AGBL3: variants seen among roughly 807,000 people sequenced by gnomAD.
The protein encoded by AGBL3 is cytosolic carboxypeptidase 3.
Under a neutral mutation model 94.5 loss-of-function variants are expected in AGBL3, and 68 were observed. That is an observed-to-expected ratio of 0.72 (90% CI 0.59 to 0.88). AGBL3 has a LOEUF of 0.88. AGBL3 is among the 40% of genes least tolerant of loss of function. AGBL3 has a pLI of 0.00. For synonymous variants in AGBL3, 354 were observed against 370.7 expected (o/e 0.95, Z 0.52); for missense variants, 934 against 1,103.8 (o/e 0.85, Z 2.18).
rs752233016 is a variant in AGBL3, at chr7:135,081,735, A to G, written c.2055A>G (p.Glu685=). 10 of 1,541,736 alleles carry G rather than the reference A, an allele frequency of 6.5e-6. No homozygotes were observed. In the South Asian group the frequency reaches 9.7e-5, roughly 15 times the overall value. Residue 685 remains glutamate, a synonymous_variant, in exon 15 of 17, where the codon GAA becomes GAG. Transcript: ENST00000436302. ...NSDVKDTRPN[E]PDDYMVDYFR... ...CTTCTCTAGATACAAGGCCAAATGA[A>G]CCAGATGATTATATGGTTGATTATT...
At chr7:135,091,035 G>A (rs1002342953) in intron 15 of AGBL3, among the ~76,000 whole-genome samples, 3 of 152,136 alleles carry the variant, frequency 2.0e-5, no homozygotes, top group African/African-American at 7.2e-5. Flanking sequence ...GGAATGCAGG[G>A]ACCTCAGTGG....
Position 135,076,450 on chromosome 7 carries a change from A to C in AGBL3, c.1962A>C (p.Gln654His), listed in dbSNP as rs1820459196. Residue 654 changes from glutamine to histidine, a missense_variant, in exon 13 of 17, where the codon CAA becomes CAC. By Grantham distance (24) the Gln-to-His change is conservative. Coordinates refer to ENST00000436302, the MANE Select transcript of AGBL3 (RefSeq NM_178563.4). ...GGAATTCTACCATAGCAAGCCACCA[A>C]AATGCCAGAGGACAAGAGGTAAATC... ...KERNSTIASHQNARGQEVYDR... is the reference protein window; with the variant it reads ...KERNSTIASHHNARGQEVYDR... 3 of 1,549,244 alleles carry C rather than the reference A, an allele frequency of 1.9e-6. No homozygotes were observed.
intron 9 of AGBL3, 75 bp downstream of exon 9, chr7:135,044,226 G>C (rs1481081906): frequency 1.5e-6 from 2 of 1,366,878 alleles, no homozygotes; most frequent in East Asian, 2.7e-5. Flanking sequence ...AAATGTAACA[G>C]TACAGACAAT....
intron 8 of AGBL3, among the ~76,000 whole-genome samples, chr7:135,039,541 C>G (rs990502597): frequency 6.6e-6 from 1 of 152,134 alleles, no homozygotes; most frequent in Admixed American, 6.6e-5. Flanking sequence ...TCAAGACCAA[C>G]TTGGCCAACA....
chr7:135,082,250 A>G (rs1315360393), intron 15 of AGBL3, among the ~76,000 whole-genome samples: 1 of 152,166 alleles, frequency 6.6e-6, no homozygotes, highest in Non-Finnish European at 1.5e-5. Flanking sequence ...AACACAAAAT[A>G]GTGAAGAAAC....
intron 11 of AGBL3, chr7:135,050,948 GT>G: frequency 2.6e-6 from 1 of 378,868 alleles, no homozygotes; most frequent in Non-Finnish European, 5.1e-6. Context: ...CCATTTTGTT[GT>G]TTTCTATTAG....
intron 2 of AGBL3, 93 bp from the exon 3 acceptor site, chr7:134,989,157 C>A: frequency 1.2e-6 from 1 of 814,544 alleles, no homozygotes; most frequent in Non-Finnish European, 2.0e-6. Context: ...AAGACATATA[C>A]TCAATCCCAA....
rs138607498 is a variant in AGBL3, at chr7:135,058,472, A to G, written c.1842-697A>G. On this transcript the variant is annotated intron_variant, in intron 11 of 16. Coordinates refer to ENST00000436302, the MANE Select transcript of AGBL3 (RefSeq NM_178563.4). ...GTAGAATGGATATAGTGATATAAAAATAAATGAATTTTAAGAGCTAATGAT... is the reference window on the plus strand; with the variant it reads ...GTAGAATGGATATAGTGATATAAAAGTAAATGAATTTTAAGAGCTAATGAT... 2.0e-3 allele frequency among the ~76,000 whole-genome samples: 307 copies of G among 152,286 alleles called. 1 individual carries two copies. Among genetic ancestry groups the G allele is most frequent in the Non-Finnish European group, 3.2e-3 (217 of 68,022 alleles).
At chr7:135,048,865 TTCGTTC>T (rs1474109673) in intron 11 of AGBL3, among the ~76,000 whole-genome samples, 2 of 151,774 alleles carry the variant, frequency 1.3e-5, no homozygotes, top group Non-Finnish European at 2.9e-5. Flanking sequence ...TGCCTTTTCA[TTCGTTC>T]TCTTGCCTAA....
At chr7:135,041,710 C>A (rs1358984010) in intron 8 of AGBL3, among the ~76,000 whole-genome samples, 1 of 152,038 alleles carries the variant, frequency 6.6e-6, no homozygotes, top group African/African-American at 2.4e-5. Context: ...TGGACATCAT[C>A]AGAATTAATC....
chr7:135,045,436 C>T, intron 9 of AGBL3, 38 bp from the exon 10 acceptor site: 1 of 1,486,118 alleles, frequency 6.7e-7, no homozygotes, highest in East Asian at 2.5e-5. Flanking sequence ...AAATTATTAA[C>T]TTACCCTCAA....
At chr7:135,063,904 G>A (rs547407377) in intron 12 of AGBL3, among the ~76,000 whole-genome samples, 2 of 152,262 alleles carry the variant, frequency 1.3e-5, no homozygotes, top group South Asian at 4.1e-4. Flanking sequence ...TGGCTCTACT[G>A]AACTAATCAG....
chr7:135,017,103 C>T lies in AGBL3; in HGVS notation c.362C>T (p.Thr121Met), dbSNP rs903574710. The change falls in exon 5 of 17, where the codon ACG becomes ATG. Residue 121 changes from threonine to methionine, a missense_variant. Thr to Met is a moderately conservative substitution (Grantham distance 81). Coordinates refer to ENST00000436302, the MANE Select transcript of AGBL3 (RefSeq NM_178563.4). ...EPVYIPTGLE[T>M]EPLYPDSKEA... ...GTGTATATCCCAACGGGCTTAGAAA[C>T]GGAACCCCTTTATCCAGACTCCAAG... is the stretch of plus-strand genomic sequence containing the variant. 6 of 1,551,214 alleles carry T rather than the reference C, an allele frequency of 3.9e-6. No individual in the cohort carries two copies. Among genetic ancestry groups the T allele is most frequent in the Admixed American group, 2.0e-5 (1 of 50,984 alleles).
chr7:135,041,543 A>G (rs2116525474), intron 8 of AGBL3, among the ~76,000 whole-genome samples: 1 of 152,316 alleles, frequency 6.6e-6, no homozygotes, highest in South Asian at 2.1e-4. Flanking sequence ...ACAATTGAAC[A>G]TCCATCTAAA....
chr7:135,133,224 T>A (rs1032241097), intron 16 of AGBL3, among the ~76,000 whole-genome samples: 6 of 152,098 alleles, frequency 3.9e-5, no homozygotes, highest in African/African-American at 1.4e-4. Context: ...TCAAAAAAAA[T>A]ACTTGGTTTT....
Position 135,017,091 on chromosome 7 carries a change from C to A in AGBL3, c.350C>A (p.Thr117Lys). 1.3e-6 allele frequency: 2 copies of A among 1,550,928 alleles called. No individual in the cohort carries two copies. Among genetic ancestry groups the A allele is most frequent in the Non-Finnish European group, 8.7e-7 (1 of 1,146,050 alleles). The change falls in exon 5 of 17, where the codon ACG becomes AAG. Residue 117 changes from threonine (T) to lysine (K), a missense_variant. Physicochemically the swap from Thr to Lys is moderately conservative, Grantham distance 78. Coordinates refer to ENST00000436302, the MANE Select transcript of AGBL3 (RefSeq NM_178563.4). Reference sequence around the variant, plus strand: ...TGTCCTGAGCCAGTGTATATCCCAACGGGCTTAGAAACGGAACCCCTTTAT... The same window carrying A: ...TGTCCTGAGCCAGTGTATATCCCAAAGGGCTTAGAAACGGAACCCCTTTAT... ...PSCPEPVYIPTGLETEPLYPD... is the reference protein window; with the variant it reads ...PSCPEPVYIPKGLETEPLYPD...
At chr7:135,128,490 G>A in intron 16 of AGBL3, 11 of 755,440 alleles carry the variant, frequency 1.5e-5, no homozygotes, top group East Asian at 2.5e-5. Flanking sequence ...TGGCCCCAGT[G>A]AGTATTTACG....
chr7:135,120,123 A>C (rs1005728278), intron 16 of AGBL3, among the ~76,000 whole-genome samples: 2 of 152,240 alleles, frequency 1.3e-5, no homozygotes, highest in African/African-American at 2.4e-5. Flanking sequence ...AGAATGACTA[A>C]AGGAATTTTT....
intron 15 of AGBL3, among the ~76,000 whole-genome samples, chr7:135,094,742 T>C (rs1313810452): frequency 6.6e-6 from 1 of 152,194 alleles, no homozygotes; most frequent in African/African-American, 2.4e-5. Context: ...ACCTGGGTAG[T>C]AGTCAGAGAC....
Sources: gnomAD v4.1 joint callset for allele counts (sites outside exome capture counted in the v4.1 genomes callset) on GRCh38, gnomAD v4.1.1 for gene constraint, MANE v1.5 for transcripts, NCBI Gene and HGNC (gene_info 2026-07-23, HGNC 2026-07-21) for gene names.